SYNDIG1: variants seen among roughly 807,000 people sequenced by gnomAD.
SYNDIG1 encodes synapse differentiation-inducing gene protein 1.
A neutral mutation model predicts 19.4 loss-of-function variants in SYNDIG1; 9 were observed. The observed-to-expected ratio is 0.46, with a 90% confidence interval of 0.28 to 0.81. The LOEUF is 0.81. Among genes scored for constraint, SYNDIG1 ranks in the 30% least tolerant of loss-of-function variants. The probability of loss-of-function intolerance (pLI) is 0.12; values close to 1 mark genes in which losing one functional copy is unlikely to be tolerated. For missense variants in SYNDIG1, 311 were observed against 343.3 expected (o/e 0.91, Z 0.74); for synonymous variants, 141 against 145.9 (o/e 0.97, Z 0.24).
At chr20:24,536,954 C>G (rs1019550268) in intron 1 of SYNDIG1, among the ~76,000 whole-genome samples, 3 of 152,174 alleles carry the variant, frequency 2.0e-5, no homozygotes, top group Non-Finnish European at 2.9e-5. Context: ...TAGAGGACCA[C>G]CGCATCTGTC....
rs1046953238 is a variant in SYNDIG1, at chr20:24,645,851, T to C, written c.619-19495T>C. Among the ~76,000 whole-genome samples, 16 of 152,192 alleles carry C rather than the reference T, an allele frequency of 1.1e-4. No homozygotes were observed. The South Asian group carries it at 2.7e-3, about 26-fold the overall frequency. ...GGAACCAAAATATTCAAATCTTGGTTCTCTCCTCCCTAACACAGTGGGCTC... is the reference window on the plus strand; with the variant it reads ...GGAACCAAAATATTCAAATCTTGGTCCTCTCCTCCCTAACACAGTGGGCTC... On this transcript the variant is annotated intron_variant, in intron 3 of 3. Transcript: ENST00000376862.
At chr20:24,572,295 C>T (rs1420476826) in intron 2 of SYNDIG1, among the ~76,000 whole-genome samples, 1 of 152,202 alleles carries the variant, frequency 6.6e-6, no homozygotes, top group African/African-American at 2.4e-5. Context: ...CCCAGCTGAA[C>T]CACAGTCGCA....
intron 1 of SYNDIG1, among the ~76,000 whole-genome samples, chr20:24,475,863 C>CTTT (rs796790374): frequency 1.6e-4 from 23 of 144,478 alleles, no homozygotes; most frequent in African/African-American, 5.6e-4. Flanking sequence ...TGCATAGTAT[C>CTTT]TTTTTTTTTT....
intron 3 of SYNDIG1, among the ~76,000 whole-genome samples, chr20:24,632,491 C>T (rs1315119323): frequency 6.6e-6 from 1 of 152,166 alleles, no homozygotes; most frequent in Non-Finnish European, 1.5e-5. Flanking sequence ...CAGCCTGCCT[C>T]GGCCTCCCAA....
At chr20:24,572,430 T>A (rs2058159309) in intron 2 of SYNDIG1, among the ~76,000 whole-genome samples, 3 of 152,202 alleles carry the variant, frequency 2.0e-5, no homozygotes, top group African/African-American at 4.8e-5. Flanking sequence ...CTGGCTCTTC[T>A]TGTTGCAGAG....
At chr20:24,490,452 C>T (rs1178460890) in intron 1 of SYNDIG1, among the ~76,000 whole-genome samples, 1 of 152,076 alleles carries the variant, frequency 6.6e-6, no homozygotes, top group Non-Finnish European at 1.5e-5. Flanking sequence ...CTGGAGTGGG[C>T]AGTGGAAGGG....
intron 3 of SYNDIG1, among the ~76,000 whole-genome samples, chr20:24,617,426 T>C (rs913398175): frequency 6.6e-6 from 1 of 152,238 alleles, no homozygotes; most frequent in African/African-American, 2.4e-5. Flanking sequence ...TGGACTTGCG[T>C]GCCTTCCTCA....
chr20:24,602,288 T>G (rs984639157), intron 3 of SYNDIG1, among the ~76,000 whole-genome samples: 1 of 152,238 alleles, frequency 6.6e-6, no homozygotes, highest in African/African-American at 2.4e-5. Context: ...ATTTTGAAGA[T>G]GAAGATGATG....
At position 24,543,091 on chromosome 20, in the gene SYNDIG1, G is replaced by C. The variant is rs778220716; in HGVS notation, c.-7G>C. 22 of 1,610,060 alleles carry C rather than the reference G, an allele frequency of 1.4e-5. No homozygotes were observed. The highest frequency in any genetic ancestry group is 2.7e-5 in the African/African-American group (2 of 74,862). ...CCAGCCTGACGCCCAGCCAGGGAGA[G>C]AGTACCATGGATGGCATCATTGAAC... On this transcript the variant is annotated 5_prime_UTR_variant, in exon 2 of 4. Transcript: ENST00000376862.
At chr20:24,494,601 C>CAGGG (rs2056248271) in intron 1 of SYNDIG1, among the ~76,000 whole-genome samples, 1 of 152,146 alleles carries the variant, frequency 6.6e-6, no homozygotes, top group Admixed American at 6.5e-5. Flanking sequence ...GAACAGGATG[C>CAGGG]AGGGAACAGA....
chr20:24,616,551 G>A lies in SYNDIG1; in HGVS notation c.618+31558G>A, dbSNP rs1006599622. ...GCACTCTCAGCCACCTCAGGGCCCA[G>A]GTTTCTGGGTTCAGCAGAAGGAAGC... On this transcript the variant is annotated intron_variant, in intron 3 of 3. Coordinates refer to ENST00000376862, the MANE Select transcript of SYNDIG1 (RefSeq NM_024893.3). 2.6e-5 allele frequency among the ~76,000 whole-genome samples: 4 copies of A among 152,354 alleles called. No individual in the cohort carries two copies. The South Asian group carries it at 8.3e-4, about 32-fold the overall frequency.
At position 24,543,054 on chromosome 20, in the gene SYNDIG1, A is replaced by G; in HGVS notation, c.-44A>G. 6.3e-7 allele frequency: 1 copy of G among 1,586,728 alleles called. No homozygotes were observed. Among genetic ancestry groups the G allele is most frequent in the Admixed American group, 1.7e-5 (1 of 58,842 alleles). ...CTTCCCTGAGGCAAGTGTAACCTAC[A>G]TTCCCAGCCCACCAGCCTGACGCCC... On this transcript the variant is annotated 5_prime_UTR_variant, in exon 2 of 4. Coordinates refer to ENST00000376862, the MANE Select transcript of SYNDIG1 (RefSeq NM_024893.3).
At chr20:24,620,633 A>G (rs1023656804) in intron 3 of SYNDIG1, among the ~76,000 whole-genome samples, 2 of 152,224 alleles carry the variant, frequency 1.3e-5, no homozygotes, top group Non-Finnish European at 2.9e-5. Flanking sequence ...TGGTCAAGGC[A>G]TTCATAGGAG....
At chr20:24,577,601 T>C (rs1568656110) in intron 2 of SYNDIG1, among the ~76,000 whole-genome samples, 1 of 152,212 alleles carries the variant, frequency 6.6e-6, no homozygotes, top group Non-Finnish European at 1.5e-5. Context: ...GGTATCTCGC[T>C]CCAGGCTGTC....
rs2059641407 is a variant in SYNDIG1 at position 24,665,621 on chromosome 20, C to G, written c.*117C>G. On this transcript the variant is annotated 3_prime_UTR_variant, in exon 4 of 4. Transcript: ENST00000376862. ...GATTGCCAAATGATGCCACGAAGCC[C>G]TGGGATTTCCTACCCATGGATTTAT... 7.1e-7 allele frequency: 1 copy of G among 1,403,592 alleles called. No individual in the cohort carries two copies. Among genetic ancestry groups the G allele is most frequent in the Admixed American group, 2.4e-5 (1 of 42,282 alleles). 86.9% of individuals were successfully genotyped at this position (1,403,592 alleles called of 1,614,324 possible).
intron 3 of SYNDIG1, among the ~76,000 whole-genome samples, chr20:24,612,796 C>G (rs1694790484): frequency 6.6e-6 from 1 of 152,216 alleles, no homozygotes; most frequent in Non-Finnish European, 1.5e-5. Flanking sequence ...GCTCCTGGAT[C>G]TAGAAACATC....
At chr20:24,520,989 C>T (rs940136265) in intron 1 of SYNDIG1, among the ~76,000 whole-genome samples, 7 of 152,202 alleles carry the variant, frequency 4.6e-5, no homozygotes, top group Non-Finnish European at 7.3e-5. Context: ...CGTTCCCTCC[C>T]TTCTGCAGCC....
intron 1 of SYNDIG1, among the ~76,000 whole-genome samples, chr20:24,530,167 T>C (rs1307869179): frequency 6.6e-6 from 1 of 152,072 alleles, no homozygotes; most frequent in East Asian, 1.9e-4. Context: ...GGCACAACTT[T>C]TAAAAGCAGC....
At chr20:24,600,240 C>G (rs994887948) in intron 3 of SYNDIG1, among the ~76,000 whole-genome samples, 1 of 152,204 alleles carries the variant, frequency 6.6e-6, no homozygotes, top group Non-Finnish European at 1.5e-5. Flanking sequence ...GGTGGTTTTT[C>G]TCTTCCTTCC....
Sources: gnomAD v4.1 joint callset for allele counts (sites outside exome capture counted in the v4.1 genomes callset) on GRCh38, gnomAD v4.1.1 for gene constraint, MANE v1.5 for transcripts, NCBI Gene and HGNC (gene_info 2026-07-23, HGNC 2026-07-21) for gene names.